The following KDM4A variants were observed in gnomAD, a reference collection of about 807,000 sequenced individuals.
KDM4A encodes the protein lysine-specific demethylase 4A.
Under a neutral mutation model 127.1 loss-of-function variants are expected in KDM4A, and 23 were observed. The observed-to-expected ratio is 0.18, with a 90% CI of 0.13 to 0.26. The LOEUF (loss-of-function observed/expected upper bound fraction) is 0.26, where lower values mean the gene tolerates loss of function less well. KDM4A is among the 10% of genes least tolerant of loss of function. The probability of loss-of-function intolerance (pLI) is 1.00; values close to 1 mark genes in which losing one functional copy is unlikely to be tolerated. For synonymous variants in KDM4A, 443 were observed against 466.5 expected (o/e 0.95, Z 0.65); for missense variants, 890 against 1,329.1 (o/e 0.67, Z 5.14).
rs183024334 is a variant in KDM4A, at chr1:43,686,461, C to T, written c.1856-2453C>T. On this transcript the variant is annotated intron_variant, in intron 12 of 21. Coordinates refer to ENST00000372396, the MANE Select transcript of KDM4A (RefSeq NM_014663.3). ...AAGTGATTCTCCTGCCTCAGCCTCC[C>T]GAGTAGCTAGGATTACAGGTGTGTG... 2.6e-4 allele frequency among the ~76,000 whole-genome samples: 40 copies of T among 152,112 alleles called. 1 individual carries two copies. In the East Asian group the frequency reaches 6.6e-3, roughly 25 times the overall value.
intron 11 of KDM4A, among the ~76,000 whole-genome samples, chr1:43,674,585 T>G (rs1570841288): frequency 6.6e-6 from 1 of 151,854 alleles, no homozygotes; most frequent in East Asian, 1.9e-4. Flanking sequence ...GGTGTAATCT[T>G]GGCTCACTGC....
Position 43,669,123 on chromosome 1 carries a change from C to T in KDM4A, c.1187C>T (p.Thr396Ile). The change falls in exon 10 of 22, where the codon ACA becomes ATA. Residue 396 changes from threonine (T) to isoleucine (I), a missense_variant. Thr to Ile is a moderately conservative substitution (Grantham distance 89). Coordinates refer to ENST00000372396, the MANE Select transcript of KDM4A (RefSeq NM_014663.3). ...AGCCTGGCCAAGCACCGAATAGGGA[C>T]AAAGAGGCACCGAGTTTGTCTTGAA... ...KTSLAKHRIG[T>I]KRHRVCLEIP... 1 of 1,614,184 alleles carries T rather than the reference C, an allele frequency of 6.2e-7. No homozygotes were observed. The highest frequency in any genetic ancestry group is 8.5e-7 in the Non-Finnish European group (1 of 1,180,034).
intron 19 of KDM4A, among the ~76,000 whole-genome samples, chr1:43,702,888 G>A (rs1661437797): frequency 6.6e-6 from 1 of 151,940 alleles, no homozygotes; most frequent in Non-Finnish European, 1.5e-5. Flanking sequence ...AAGATTAGCT[G>A]GGCATGGTGG....
intron 19 of KDM4A, among the ~76,000 whole-genome samples, chr1:43,700,946 CAG>C (rs1325493136): frequency 1.4e-5 from 2 of 147,400 alleles, no homozygotes; most frequent in Admixed American, 6.7e-5. Flanking sequence ...TTTTTTGAGA[CAG>C]AGTCTCGCTC....
chr1:43,659,719 T>C (rs532303839), intron 3 of KDM4A, among the ~76,000 whole-genome samples: 53 of 152,356 alleles, frequency 3.5e-4, no homozygotes, highest in African/African-American at 1.3e-3. Context: ...TGTGCAAAAA[T>C]CTATATTTTT....
At chr1:43,677,231 G>C (rs1481010893) in intron 11 of KDM4A, among the ~76,000 whole-genome samples, 1 of 151,698 alleles carries the variant, frequency 6.6e-6, no homozygotes, top group Non-Finnish European at 1.5e-5. Context: ...TGTAATCCCA[G>C]CTACTCAGGA....
At chr1:43,670,556 ATTTTTT>A (rs35331772) in intron 10 of KDM4A, among the ~76,000 whole-genome samples, 2 of 76,172 alleles carry the variant, frequency 2.6e-5, no homozygotes, top group African/African-American at 1.0e-4. Flanking sequence ...CGCCTGGCTA[ATTTTTT>A]TTTTTTTTTT....
Position 43,694,872 on chromosome 1 carries a change from G to T in KDM4A, c.2648G>T (p.Arg883Leu). 1.3e-6 allele frequency: 2 copies of T among 1,596,950 alleles called. No homozygotes were observed. The highest frequency in any genetic ancestry group is 2.2e-5 in the South Asian group (2 of 90,732). Reference protein sequence around the residue: ...WPFVVFITCFRHKIPNLERAK... With the variant: ...WPFVVFITCFLHKIPNLERAK... ...TTTGTGGTCTTCATTACCTGCTTTC[G>T]GCACAAGATTCCTAATTTGGAGGTG... Residue 883 changes from arginine to leucine, a missense_variant, in exon 18 of 22, where the codon CGG becomes CTG. Arg to Leu is a moderately radical substitution (Grantham distance 102). Transcript: ENST00000372396. The surrounding 1 kb of genome is among the most constrained non-coding windows in gnomAD (Gnocchi z 5.2).
Position 43,683,709 on chromosome 1 carries a change from TAGA to T in KDM4A, c.1764_1766del (p.Glu589del). ...GTTGCAGATGAATACATGTTTTCCC[TAGA>T]AGAGAATAAGAAGTCCAAGGGACGC... On this transcript the variant is annotated inframe_deletion, in exon 12 of 22. Transcript: ENST00000372396. 1 of 1,614,018 alleles carries T rather than the reference TAGA, an allele frequency of 6.2e-7. No individual in the cohort carries two copies. Among genetic ancestry groups the T allele is most frequent in the African/African-American group, 1.3e-5 (1 of 75,042 alleles).
Position 43,693,947 on chromosome 1 carries a change from G to T in KDM4A, c.2376-47G>T, listed in dbSNP as rs945767836. ...AGCAGGCCCAAAAGAGAAGGCCACA[G>T]AGCCTTGGGCCCAGAGGTGACTGAG... On this transcript the variant is annotated intron_variant, in intron 16 of 21. Transcript: ENST00000372396. This position sits in a 1 kb window ranked among gnomAD's most constrained non-coding sequence, Gnocchi z 4.2. 22 of 1,530,312 alleles carry T rather than the reference G, an allele frequency of 1.4e-5. No individual in the cohort carries two copies. In the Admixed American group the frequency reaches 2.3e-4, roughly 16 times the overall value. The allele number at this position is 1,530,312 out of a possible 1,614,324, so 94.8% of individuals were successfully genotyped here. A position where few individuals can be genotyped will look rare whatever the true frequency, so the allele number is the denominator to read the frequency against.
chr1:43,671,922 A>T (rs763138350), intron 11 of KDM4A, 47 bp downstream of exon 11: 2 of 1,502,836 alleles, frequency 1.3e-6, no homozygotes, highest in African/African-American at 2.8e-5. Context: ...GCCCTGGAGG[A>T]CACCCTGTCG....
intron 19 of KDM4A, among the ~76,000 whole-genome samples, 165 bp downstream of exon 19, chr1:43,698,178 G>A (rs1661290609): frequency 6.6e-6 from 1 of 152,224 alleles, no homozygotes; most frequent in Non-Finnish European, 1.5e-5. Context: ...TCTTTGCAAA[G>A]AAAACTGCGT....
Position 43,694,826 on chromosome 1 carries a change from A to T in KDM4A, c.2602A>T (p.Met868Leu), listed in dbSNP as rs1009747471. 1 of 1,613,814 alleles carries T rather than the reference A, an allele frequency of 6.2e-7. No homozygotes were observed. Among genetic ancestry groups the T allele is most frequent in the Non-Finnish European group, 8.5e-7 (1 of 1,179,812 alleles). The change falls in exon 18 of 22, where the codon ATG becomes TTG. Residue 868 changes from methionine to leucine, a missense_variant. By Grantham distance (15) the Met-to-Leu change is conservative. Transcript: ENST00000372396. This position sits in a 1 kb window ranked among gnomAD's most constrained non-coding sequence, Gnocchi z 5.2. ...CTGCGCCCAGGCTGCCGGTGTGATGATGCAGCCTGACGACTGGCCTTTTGT... is the reference window on the plus strand; with the variant it reads ...CTGCGCCCAGGCTGCCGGTGTGATGTTGCAGCCTGACGACTGGCCTTTTGT... Reference protein sequence around the residue: ...VSCAQAAGVMMQPDDWPFVVF... With the variant: ...VSCAQAAGVMLQPDDWPFVVF...
intron 12 of KDM4A, among the ~76,000 whole-genome samples, chr1:43,684,482 G>A (rs373953897): frequency 1.6e-4 from 25 of 152,200 alleles, no homozygotes; most frequent in African/African-American, 5.3e-4. Context: ...CAGCCTGGGC[G>A]ACAGAGCGAG....
intron 11 of KDM4A, among the ~76,000 whole-genome samples, chr1:43,683,417 T>C (rs192444327): frequency 4.6e-5 from 7 of 152,280 alleles, no homozygotes; most frequent in Admixed American, 4.6e-4. Flanking sequence ...AGCAGGCTTG[T>C]TTTTGGTACA....
At position 43,704,119 on chromosome 1, in the gene KDM4A, A is replaced by T. The variant is rs772185733; in HGVS notation, c.3054+7A>T. On this transcript the variant is annotated splice_region_variant and intron_variant, in intron 21 of 21. Coordinates refer to ENST00000372396, the MANE Select transcript of KDM4A (RefSeq NM_014663.3). ...GAGAGTCAAATCTAGACTGGTGAGT[A>T]TTTTCTGTGTCCCCCCAGTTCCTGT... 3.7e-6 allele frequency: 6 copies of T among 1,613,218 alleles called. No homozygotes were observed. The highest frequency in any genetic ancestry group is 5.1e-6 in the Non-Finnish European group (6 of 1,179,366).
intron 11 of KDM4A, among the ~76,000 whole-genome samples, chr1:43,679,794 G>T (rs1359448762): frequency 1.3e-5 from 2 of 152,166 alleles, no homozygotes; most frequent in African/African-American, 2.4e-5. Context: ...GTTCTTCTCT[G>T]TACAGAATAA....
intron 2 of KDM4A, among the ~76,000 whole-genome samples, chr1:43,654,120 C>G (rs1406393333): frequency 1.3e-5 from 2 of 152,210 alleles, no homozygotes; most frequent in African/African-American, 4.8e-5. Flanking sequence ...TCTGCAGATA[C>G]GGCTACTGCT....
Position 43,662,917 on chromosome 1 carries a change from C to T in KDM4A, c.453C>T (p.Gly151=), listed in dbSNP as rs1660417661. ...AGCATGTTGATGAGTGGAATATTGG[C>T]CGGCTGAGAACAATCCTGGACTTGG... The part of the protein sequence containing the change: ...YEKHVDEWNI[G]RLRTILDLVE... Residue 151 remains glycine (G), a synonymous_variant, in exon 5 of 22, where the codon GGC becomes GGT. Coordinates refer to ENST00000372396, the MANE Select transcript of KDM4A (RefSeq NM_014663.3). 6.2e-7 allele frequency: 1 copy of T among 1,612,510 alleles called. No individual in the cohort carries two copies. The highest frequency in any genetic ancestry group is 8.5e-7 in the Non-Finnish European group (1 of 1,179,218).
Sources: gnomAD v4.1 joint callset for allele counts (sites outside exome capture counted in the v4.1 genomes callset) on GRCh38, gnomAD v4.1.1 for gene constraint, Gnocchi (gnomAD v3.1) non-coding constraint, MANE v1.5 for transcripts, NCBI Gene and HGNC (gene_info 2026-07-23, HGNC 2026-07-21) for gene names.